Variants in CDH13 observed in about 807,000 individuals in gnomAD.
The protein encoded by CDH13 is cadherin 13.
In CDH13, 24 loss-of-function variants were observed where a neutral mutation model predicts 63.8. The observed-to-expected ratio is 0.38, with a 90% CI of 0.27 to 0.53. The LOEUF is 0.53. CDH13 is among the 20% of genes least tolerant of loss of function. The pLI, the probability that CDH13 is intolerant of heterozygous loss-of-function variation, is 0.85. For synonymous variants in CDH13, 503 were observed against 355.3 expected (o/e 1.42, Z -4.67); for missense variants, 1,049 against 903.1 (o/e 1.16, Z -2.07).
intron 6 of CDH13, among the ~76,000 whole-genome samples, chr16:83,416,587 C>G (rs141405882): frequency 4.6e-5 from 7 of 152,336 alleles, no homozygotes; most frequent in African/African-American, 1.7e-4. Context: ...GACATGCATA[C>G]TGATGCCTCC....
Position 82,973,768 on chromosome 16 carries a change from G to A in CDH13, c.158-58242G>A, listed in dbSNP as rs115849140. Among the ~76,000 whole-genome samples, 221 of 152,234 alleles carry A rather than the reference G, an allele frequency of 1.5e-3. 1 individual carries two copies. Among genetic ancestry groups the A allele is most frequent in the African/African-American group, 5.1e-3 (210 of 41,534 alleles). On this transcript the variant is annotated intron_variant, in intron 2 of 13. Transcript: ENST00000567109. Reference sequence around the variant, plus strand: ...ATTTCCTTTTCTAGTCTCCTAGGCAGCCATCAACAAGGTGCACAAATATGT... The same window carrying A: ...ATTTCCTTTTCTAGTCTCCTAGGCAACCATCAACAAGGTGCACAAATATGT...
At chr16:83,156,348 T>C (rs780976788) in intron 4 of CDH13, among the ~76,000 whole-genome samples, 2 of 152,212 alleles carry the variant, frequency 1.3e-5, no homozygotes, top group Non-Finnish European at 2.9e-5. Context: ...CCATCATGTA[T>C]GCATCTCTAA....
intron 2 of CDH13, among the ~76,000 whole-genome samples, chr16:82,887,117 G>A (rs2040914782): frequency 6.6e-6 from 1 of 152,124 alleles, no homozygotes; most frequent in Admixed American, 6.6e-5. Context: ...CTTTAATATA[G>A]GGAGGAAACC....
chr16:83,635,332 CTTTTTTTTTTT>C (rs71148847), intron 8 of CDH13, among the ~76,000 whole-genome samples: 1 of 46,716 alleles, frequency 2.1e-5, no homozygotes, highest in Non-Finnish European at 3.5e-5. Context: ...CATTTTCTTT[CTTTTTTTTTTT>C]TTTTTTTTTT....
At chr16:83,480,898 C>G (rs1437519728) in intron 6 of CDH13, among the ~76,000 whole-genome samples, 1 of 152,192 alleles carries the variant, frequency 6.6e-6, no homozygotes, top group Non-Finnish European at 1.5e-5. Context: ...GCTAAGCACC[C>G]TAAGCTGCTG....
At chr16:82,965,573 C>G (rs1170767490) in intron 2 of CDH13, among the ~76,000 whole-genome samples, 2 of 151,976 alleles carry the variant, frequency 1.3e-5, no homozygotes, top group Admixed American at 6.5e-5. Context: ...ACTCTGCCAC[C>G]CAAGCTGGAG....
chr16:83,655,491 C>G (rs372780717), intron 8 of CDH13, among the ~76,000 whole-genome samples: 2 of 152,174 alleles, frequency 1.3e-5, no homozygotes, highest in East Asian at 1.9e-4. Flanking sequence ...AGACAAGAGT[C>G]TGTCAGAGAG....
chr16:82,822,324 T>C (rs1597706371), intron 1 of CDH13, among the ~76,000 whole-genome samples: 1 of 152,326 alleles, frequency 6.6e-6, no homozygotes, highest in African/African-American at 2.4e-5. Flanking sequence ...GGCTATAGGC[T>C]ATTTGGGATA....
intron 1 of CDH13, among the ~76,000 whole-genome samples, chr16:82,652,518 A>G (rs1443198590): frequency 6.6e-5 from 10 of 152,196 alleles, no homozygotes; most frequent in Admixed American, 6.5e-4. Flanking sequence ...TGATATGATT[A>G]CAGCCCATAC....
chr16:83,586,618 T>A (rs1906185456), intron 7 of CDH13, among the ~76,000 whole-genome samples: 1 of 152,134 alleles, frequency 6.6e-6, no homozygotes, highest in Non-Finnish European at 1.5e-5. Context: ...GCAGAGCCAA[T>A]ACAATTTCAA....
intron 8 of CDH13, among the ~76,000 whole-genome samples, chr16:83,604,759 G>A (rs2150754106): frequency 6.6e-6 from 1 of 152,202 alleles, no homozygotes; most frequent in Admixed American, 6.5e-5. Flanking sequence ...ACTTAACGAT[G>A]GGAACAAAAA....
At chr16:82,627,333 C>CGTGTGTGTGTGTGTGT (rs1238497118) in intron 1 of CDH13, among the ~76,000 whole-genome samples, 196 bp downstream of exon 1, 1 of 67,364 alleles carries the variant, frequency 1.5e-5, no homozygotes, top group East Asian at 3.0e-4. Flanking sequence ...CCCACTCTGG[C>CGTGTGTGTGTGTGTGT]GTGCGTGTGT....
intron 6 of CDH13, among the ~76,000 whole-genome samples, chr16:83,355,799 A>G (rs370795056): frequency 4.6e-5 from 7 of 152,330 alleles, no homozygotes; most frequent in African/African-American, 1.4e-4. Flanking sequence ...CAACTGCTAC[A>G]CAGGGGAGCA....
intron 5 of CDH13, among the ~76,000 whole-genome samples, chr16:83,288,151 G>T (rs1395971006): frequency 6.6e-6 from 1 of 152,118 alleles, no homozygotes; most frequent in Non-Finnish European, 1.5e-5. Flanking sequence ...TACATATCTT[G>T]ATTACTGAGT....
Position 83,049,259 on chromosome 16 carries a change from G to A in CDH13, c.366+17041G>A, listed in dbSNP as rs2030003254. 6.8e-5 allele frequency among the ~76,000 whole-genome samples: 10 copies of A among 148,054 alleles called. No individual in the cohort carries two copies. In the South Asian group the frequency reaches 1.9e-3, roughly 29 times the overall value. On this transcript the variant is annotated intron_variant, in intron 3 of 13. Coordinates refer to ENST00000567109, the MANE Select transcript of CDH13 (RefSeq NM_001257.5). The stretch of plus-strand genomic sequence containing the variant: ...TCCCTTCCCCAGCTCCTGGCTTTAT[G>A]TATCACCTATTTTTATATATAATAT...
intron 1 of CDH13, among the ~76,000 whole-genome samples, chr16:82,690,969 G>T (rs762423795): frequency 4.6e-5 from 7 of 152,214 alleles, no homozygotes; most frequent in Non-Finnish European, 7.3e-5. Context: ...AGGTTGAGAG[G>T]AAAGCCAGCC....
Position 83,541,121 on chromosome 16 carries a change from C to T in CDH13, c.960+54466C>T, listed in dbSNP as rs149196511. 3.0e-3 allele frequency among the ~76,000 whole-genome samples: 462 copies of T among 152,252 alleles called. 4 individuals are homozygous for T. The highest frequency in any genetic ancestry group is 0.01 in the African/African-American group (420 of 41,572). On this transcript the variant is annotated intron_variant, in intron 7 of 13. Coordinates refer to ENST00000567109, the MANE Select transcript of CDH13 (RefSeq NM_001257.5). ...TAATCTCAGACTCTCAGCCCAGCTG[C>T]CACCTCCAGCCTCTGGCCTACACTA...
At chr16:83,537,332 C>A (rs899321646) in intron 7 of CDH13, among the ~76,000 whole-genome samples, 2 of 152,204 alleles carry the variant, frequency 1.3e-5, no homozygotes, top group African/African-American at 4.8e-5. Flanking sequence ...TGCTATATTT[C>A]TTTCCATGGC....
At chr16:83,663,590 A>C (rs1567495732) in intron 8 of CDH13, among the ~76,000 whole-genome samples, 1 of 152,198 alleles carries the variant, frequency 6.6e-6, no homozygotes, top group Non-Finnish European at 1.5e-5. Flanking sequence ...ACTTTATGAA[A>C]GATGTGACAT....
Sources: gnomAD v4.1 joint callset for allele counts (sites outside exome capture counted in the v4.1 genomes callset) on GRCh38, gnomAD v4.1.1 for gene constraint, MANE v1.5 for transcripts, NCBI Gene and HGNC (gene_info 2026-07-23, HGNC 2026-07-21) for gene names.